SLC25A21: variants seen among roughly 807,000 people sequenced by gnomAD.
SLC25A21 encodes the protein mitochondrial 2-oxodicarboxylate carrier.
In SLC25A21, 47 loss-of-function variants were observed where a neutral mutation model predicts 43.8. The observed-to-expected ratio is 1.07, with a 90% CI of 0.85 to 1.37. The LOEUF (loss-of-function observed/expected upper bound fraction) is 1.37. Among genes scored for constraint, SLC25A21 ranks in the 40% most tolerant of loss-of-function variants. The pLI, the probability that SLC25A21 is intolerant of heterozygous loss-of-function variation, is 0.00. For synonymous variants in SLC25A21, 131 were observed against 121.3 expected, an observed-to-expected ratio of 1.08 and a Z score of -0.52; for missense variants, 352 against 350.2, an observed-to-expected ratio of 1.00 and a Z score of -0.04.
At chr14:36,951,991 T>C (rs2022722) in intron 1 of SLC25A21, among the ~76,000 whole-genome samples, 82,299 of 151,956 alleles carry the variant, frequency 0.54, 23,633 homozygotes, top group Non-Finnish European at 0.62. Context: ...TCCCAGCACT[T>C]TGGGAGGCCA....
chr14:37,090,825 T>A (rs1196678343), intron 1 of SLC25A21, among the ~76,000 whole-genome samples: 1 of 152,192 alleles, frequency 6.6e-6, no homozygotes, highest in Non-Finnish European at 1.5e-5. Flanking sequence ...CATAGTCACA[T>A]GTACAGTTGA....
Position 36,922,137 on chromosome 14 carries a change from TA to T in SLC25A21, c.71-47134del, listed in dbSNP as rs564666171. On this transcript the variant is annotated intron_variant, in intron 1 of 9. Coordinates refer to ENST00000331299, the MANE Select transcript of SLC25A21 (RefSeq NM_030631.4). Reference sequence around the variant, plus strand: ...CTGGGCAACAGAGCGAGATTCTGCCTAAAAAAAAAAAAAAAATTGTAGTATA... The same window carrying T: ...CTGGGCAACAGAGCGAGATTCTGCCTAAAAAAAAAAAAAAATTGTAGTATA... 8.6e-3 allele frequency among the ~76,000 whole-genome samples: 1,126 copies of T among 131,154 alleles called. 23 individuals are homozygous for T. The highest frequency in any genetic ancestry group is 0.025 in the African/African-American group (909 of 35,662). 86.0% of individuals were successfully genotyped at this position (131,154 alleles called of 152,430 possible). A position where few individuals can be genotyped will look rare whatever the true frequency, so the allele number is the denominator to read the frequency against.
intron 6 of SLC25A21, among the ~76,000 whole-genome samples, chr14:36,724,506 A>G (rs1464333505): frequency 1.3e-5 from 2 of 152,208 alleles, no homozygotes; most frequent in Non-Finnish European, 2.9e-5. Flanking sequence ...TTTCTACCAC[A>G]TGCTACCTAG....
At chr14:37,119,866 T>G (rs946782437) in intron 1 of SLC25A21, among the ~76,000 whole-genome samples, 11 of 152,268 alleles carry the variant, frequency 7.2e-5, no homozygotes, top group Non-Finnish European at 1.5e-4. Context: ...CTGTACACTG[T>G]TCTCAGGTAG....
chr14:36,946,154 A>G (rs1240708740), intron 1 of SLC25A21, among the ~76,000 whole-genome samples: 1 of 152,224 alleles, frequency 6.6e-6, no homozygotes, highest in Non-Finnish European at 1.5e-5. Context: ...CTGCTTATAA[A>G]TATTAAACAC....
At chr14:37,067,652 G>A (rs774493288) in intron 1 of SLC25A21, among the ~76,000 whole-genome samples, 11 of 152,182 alleles carry the variant, frequency 7.2e-5, no homozygotes, top group Non-Finnish European at 1.5e-5. Context: ...ATGAACAAAA[G>A]TATGGAGGCA....
chr14:37,095,781 T>G (rs575355434), intron 1 of SLC25A21, among the ~76,000 whole-genome samples: 2 of 138,872 alleles, frequency 1.4e-5, no homozygotes, highest in Non-Finnish European at 3.0e-5. Flanking sequence ...AAAATGTATA[T>G]ATGTATATAT....
intron 7 of SLC25A21, among the ~76,000 whole-genome samples, chr14:36,693,081 G>C (rs769640469): frequency 6.6e-6 from 1 of 152,236 alleles, no homozygotes; most frequent in Non-Finnish European, 1.5e-5. Context: ...CTGCAAGCTG[G>C]AGGTGGTACC....
intron 1 of SLC25A21, among the ~76,000 whole-genome samples, chr14:37,099,989 G>T (rs1288553643): frequency 6.6e-6 from 1 of 151,892 alleles, no homozygotes; most frequent in Non-Finnish European, 1.5e-5. Context: ...CCTCTCCCTG[G>T]CAATTTCTAT....
At chr14:37,029,730 C>T (rs975855202) in intron 1 of SLC25A21, among the ~76,000 whole-genome samples, 1 of 151,358 alleles carries the variant, frequency 6.6e-6, no homozygotes, top group African/African-American at 2.4e-5. Context: ...GCTTTTGACG[C>T]CCCCAAAACT....
chr14:36,907,198 C>T (rs1334914962), intron 1 of SLC25A21, among the ~76,000 whole-genome samples: 1 of 151,856 alleles, frequency 6.6e-6, no homozygotes, highest in Non-Finnish European at 1.5e-5. Context: ...CTTGGAGGAA[C>T]AATATAAACA....
At chr14:37,107,002 G>A (rs1424122428) in intron 1 of SLC25A21, among the ~76,000 whole-genome samples, 1 of 152,080 alleles carries the variant, frequency 6.6e-6, no homozygotes, top group Non-Finnish European at 1.5e-5. Flanking sequence ...AATAGTATTG[G>A]CACAGGCATT....
intron 3 of SLC25A21, among the ~76,000 whole-genome samples, chr14:36,787,665 A>C (rs1887300634): frequency 6.6e-6 from 1 of 152,254 alleles, no homozygotes; most frequent in African/African-American, 2.4e-5. Context: ...TGTACAAAAT[A>C]ATACTGAGTA....
chr14:36,869,733 G>T (rs928290188), intron 2 of SLC25A21, among the ~76,000 whole-genome samples: 1 of 152,270 alleles, frequency 6.6e-6, no homozygotes, highest in East Asian at 1.9e-4. Context: ...AGAGGATGAC[G>T]ATAATATTTT....
At chr14:36,731,039 C>T (rs1197913802) in intron 4 of SLC25A21, among the ~76,000 whole-genome samples, 1 of 149,790 alleles carries the variant, frequency 6.7e-6, no homozygotes, top group Non-Finnish European at 1.5e-5. Flanking sequence ...GTGGCGCGAT[C>T]TCGGCTCACT....
intron 4 of SLC25A21, among the ~76,000 whole-genome samples, chr14:36,731,133 C>T (rs1193483833): frequency 3.9e-5 from 6 of 152,164 alleles, no homozygotes; most frequent in Middle Eastern, 3.4e-3. Flanking sequence ...CTACCACGCC[C>T]GGCTAATTTT....
intron 1 of SLC25A21, among the ~76,000 whole-genome samples, chr14:37,024,417 A>G (rs1038794461): frequency 6.6e-6 from 1 of 152,008 alleles, no homozygotes; most frequent in African/African-American, 2.4e-5. Flanking sequence ...CACATTTTGA[A>G]GAGCACACCC....
At chr14:36,734,076 G>A (rs912146547) in intron 4 of SLC25A21, among the ~76,000 whole-genome samples, 1 of 152,044 alleles carries the variant, frequency 6.6e-6, no homozygotes, top group Non-Finnish European at 1.5e-5. Context: ...AAGAAATATG[G>A]TATATTGGTT....
intron 2 of SLC25A21, among the ~76,000 whole-genome samples, chr14:36,842,073 T>C (rs1160878583): frequency 6.6e-6 from 1 of 152,186 alleles, no homozygotes; most frequent in African/African-American, 2.4e-5. Context: ...AACTGTAAGC[T>C]CACAGTGGAT....
Sources: allele counts gnomAD v4.1 joint callset (sites outside exome capture counted in the v4.1 genomes callset), GRCh38; gene constraint gnomAD v4.1.1; transcripts MANE v1.5; gene names NCBI Gene and HGNC (gene_info 2026-07-23, HGNC 2026-07-21).